The following IL23R variants were observed in gnomAD, a reference collection of about 807,000 sequenced individuals.
IL23R encodes interleukin-23 receptor.
In IL23R, 34 loss-of-function variants were observed where a neutral mutation model predicts 56.9. That is an observed-to-expected ratio of 0.60 (90% CI 0.45 to 0.80). IL23R has a LOEUF of 0.80. IL23R is among the 30% of genes least tolerant of loss of function. The probability of loss-of-function intolerance (pLI) is 0.00; values close to 1 mark genes in which losing one functional copy is unlikely to be tolerated. For missense variants in IL23R, 635 were observed against 730.0 expected, an observed-to-expected ratio of 0.87 and a Z score of 1.50; for synonymous variants, 230 against 249.2, an observed-to-expected ratio of 0.92 and a Z score of 0.73.
chr1:67,240,780 A>G (rs1651794269), intron 9 of IL23R, among the ~76,000 whole-genome samples: 1 of 152,258 alleles, frequency 6.6e-6, no homozygotes, highest in Non-Finnish European at 1.5e-5. Flanking sequence ...GGCAGCCCCC[A>G]GAATTACAGC....
At chr1:67,208,404 G>A (rs182679840) in intron 6 of IL23R, among the ~76,000 whole-genome samples, 25 of 152,290 alleles carry the variant, frequency 1.6e-4, no homozygotes, top group African/African-American at 5.5e-4. Context: ...CTCCCATCAC[G>A]GGCTTGGAGG....
downstream of IL23R, among the ~76,000 whole-genome samples, chr1:67,263,188 G>A (rs939530736): frequency 7.7e-5 from 11 of 142,280 alleles, no homozygotes; most frequent in African/African-American, 2.9e-4. Flanking sequence ...CAACCTCCCA[G>A]GCCCAAGCAA....
chr1:67,182,124 C>T (rs1332345096), intron 3 of IL23R, among the ~76,000 whole-genome samples: 1 of 152,202 alleles, frequency 6.6e-6, no homozygotes, highest in African/African-American at 2.4e-5. Context: ...AGATCTCAAG[C>T]TGTGTGCTGG....
chr1:67,247,647 G>A (rs1652327702), intron 9 of IL23R, among the ~76,000 whole-genome samples: 1 of 152,156 alleles, frequency 6.6e-6, no homozygotes, highest in Non-Finnish European at 1.5e-5. Flanking sequence ...CTGTGAGTTT[G>A]ATCTTGTCAT....
intron 8 of IL23R, among the ~76,000 whole-genome samples, chr1:67,238,766 A>C (rs1021778512): frequency 2.0e-5 from 3 of 152,186 alleles, no homozygotes; most frequent in Non-Finnish European, 2.9e-5. Flanking sequence ...ATTAATGCCC[A>C]AGGGTGTGTG....
intron 9 of IL23R, among the ~76,000 whole-genome samples, chr1:67,250,846 C>T (rs1366462988): frequency 6.6e-6 from 1 of 152,024 alleles, no homozygotes; most frequent in African/African-American, 2.4e-5. Flanking sequence ...GGGGTGGAGC[C>T]CATCAAGAAA....
chr1:67,228,020 TCC>T (rs1558254091), intron 7 of IL23R, among the ~76,000 whole-genome samples: 1,809 of 78,690 alleles, frequency 0.023, 221 homozygotes, highest in Non-Finnish European at 0.032. Flanking sequence ...CTTTCTTTCT[TCC>T]TTTCTTTCTT....
At chr1:67,144,224 G>T (rs1377704427) in intron 1 of IL23R, among the ~76,000 whole-genome samples, 3 of 152,068 alleles carry the variant, frequency 2.0e-5, no homozygotes, top group Non-Finnish European at 2.9e-5. Flanking sequence ...CTAGATTCAC[G>T]AAATCATTAC....
intron 1 of IL23R, among the ~76,000 whole-genome samples, chr1:67,156,148 T>A (rs1479973596): frequency 6.6e-6 from 1 of 152,182 alleles, no homozygotes; most frequent in Non-Finnish European, 1.5e-5. Flanking sequence ...GATTGCTCCC[T>A]GTTCCTTCCT....
intron 6 of IL23R, among the ~76,000 whole-genome samples, chr1:67,215,114 C>T (rs748748588): frequency 3.3e-5 from 5 of 152,236 alleles, no homozygotes; most frequent in Non-Finnish European, 4.4e-5. Flanking sequence ...ATTGTGCATT[C>T]GGGGAGCTCG....
At chr1:67,164,371 G>A (rs915502215), upstream of IL23R, among the ~76,000 whole-genome samples, 5 of 152,120 alleles carry the variant, frequency 3.3e-5, no homozygotes, top group Admixed American at 6.5e-5. Context: ...GGCGTCTCAC[G>A]CCTGTAATCC....
At chr1:67,243,288 T>C (rs1651972407) in intron 9 of IL23R, among the ~76,000 whole-genome samples, 1 of 150,076 alleles carries the variant, frequency 6.7e-6, no homozygotes, top group Non-Finnish European at 1.5e-5. Context: ...ATTTTAGTAT[T>C]GGCTGATTTA....
intron 6 of IL23R, among the ~76,000 whole-genome samples, chr1:67,209,933 T>C (rs946290479): frequency 6.6e-5 from 10 of 152,216 alleles, no homozygotes; most frequent in Admixed American, 6.5e-4. Context: ...TAGGGTGAAA[T>C]TTATATCAGT....
chr1:67,225,200 G>A (rs145866770), intron 7 of IL23R, among the ~76,000 whole-genome samples: 1 of 152,192 alleles, frequency 6.6e-6, no homozygotes, highest in Non-Finnish European at 1.5e-5. Flanking sequence ...GTTTGTTATG[G>A]AAATGCAAAC....
intron 7 of IL23R, among the ~76,000 whole-genome samples, chr1:67,228,935 A>C (rs1229076957): frequency 3.3e-5 from 5 of 152,204 alleles, no homozygotes; most frequent in Admixed American, 6.5e-5. Context: ...CTGAGTAGAA[A>C]GAACATACTC....
At chr1:67,229,660 CAGCTCGTT>C (rs1217414347) in intron 7 of IL23R, among the ~76,000 whole-genome samples, 3 of 152,194 alleles carry the variant, frequency 2.0e-5, no homozygotes, top group African/African-American at 7.2e-5. Flanking sequence ...AGCCACTAGT[CAGCTCGTT>C]AGCATACAAA....
At chr1:67,175,321 A>T (rs891290058) in intron 3 of IL23R, among the ~76,000 whole-genome samples, 3 of 152,322 alleles carry the variant, frequency 2.0e-5, no homozygotes, top group African/African-American at 7.2e-5. Flanking sequence ...CTTTAAAAAA[A>T]CCTTGTTGTG....
chr1:67,232,751 T>C lies in IL23R; in HGVS notation c.956-3962T>C, dbSNP rs1364103871. Among the ~76,000 whole-genome samples the C allele has an allele frequency of 2.0e-5, 3 of 152,190 alleles. No homozygotes were observed. The East Asian group carries it at 5.8e-4, about 29-fold the overall frequency. On this transcript the variant is annotated intron_variant, in intron 7 of 10. Coordinates refer to ENST00000347310, the MANE Select transcript of IL23R (RefSeq NM_144701.3). Reference sequence around the variant, plus strand: ...TGACAAAACACACTTTGCCCCATGGTTGATGATATGGTTTGGCTGTGTCTC... The same window carrying C: ...TGACAAAACACACTTTGCCCCATGGCTGATGATATGGTTTGGCTGTGTCTC...
intron 1 of IL23R, among the ~76,000 whole-genome samples, chr1:67,158,142 G>C (rs1229591590): frequency 1.3e-5 from 2 of 152,110 alleles, no homozygotes; most frequent in East Asian, 3.9e-4. Context: ...CTTGAACCCA[G>C]GAAGCTGAGT....
Sources: allele counts gnomAD v4.1 joint callset (sites outside exome capture counted in the v4.1 genomes callset), GRCh38; gene constraint gnomAD v4.1.1; transcripts MANE v1.5; gene names NCBI Gene and HGNC (gene_info 2026-07-23, HGNC 2026-07-21).